Variants in CSMD3 observed in about 807,000 individuals in gnomAD.
The protein encoded by CSMD3 is CUB and Sushi multiple domains 3.
CSMD3 carries 177 observed loss-of-function variants against 435.2 expected under a neutral mutation model. The ratio of observed to expected loss-of-function variants is 0.41; its 90% CI spans 0.36 to 0.46. The LOEUF (loss-of-function observed/expected upper bound fraction) is 0.46, where lower values mean the gene tolerates loss of function less well. Ranked by LOEUF, CSMD3 falls within the 20% of genes least tolerant of loss-of-function variation. The pLI is 0.34. For synonymous variants in CSMD3, 1,656 were observed against 1,520.5 expected, an observed-to-expected ratio of 1.09 and a Z score of -2.07; for missense variants, 4,265 against 4,504.6, an observed-to-expected ratio of 0.95 and a Z score of 1.52.
chr8:112,743,392 T>C (rs1327634819), intron 13 of CSMD3, among the ~76,000 whole-genome samples: 3 of 151,922 alleles, frequency 2.0e-5, no homozygotes, highest in Non-Finnish European at 4.4e-5. Flanking sequence ...TCTCATATGT[T>C]TTAATTAATA....
intron 30 of CSMD3, among the ~76,000 whole-genome samples, chr8:112,492,916 T>A (rs1015293808): frequency 6.9e-5 from 10 of 144,662 alleles, no homozygotes; most frequent in African/African-American, 2.1e-4. Flanking sequence ...TAATCTAGAA[T>A]GATTTAATGT....
At chr8:112,806,534 A>G (rs1349159875) in intron 12 of CSMD3, among the ~76,000 whole-genome samples, 1 of 152,206 alleles carries the variant, frequency 6.6e-6, no homozygotes, top group African/African-American at 2.4e-5. Context: ...ATGCCAACAG[A>G]CTAGTTAAGA....
intron 22 of CSMD3, among the ~76,000 whole-genome samples, chr8:112,624,380 C>T (rs1244432067): frequency 2.0e-5 from 3 of 151,972 alleles, no homozygotes; most frequent in Non-Finnish European, 4.4e-5. Context: ...GAAAATAAAA[C>T]TATATAATGT....
intron 3 of CSMD3, among the ~76,000 whole-genome samples, chr8:113,226,811 C>A (rs2093033936): frequency 6.6e-6 from 1 of 151,470 alleles, no homozygotes; most frequent in Admixed American, 6.6e-5. Flanking sequence ...GCAACTGCTT[C>A]CTTATATGAA....
At chr8:112,749,122 G>C (rs77661040) in intron 13 of CSMD3, among the ~76,000 whole-genome samples, 1 of 151,820 alleles carries the variant, frequency 6.6e-6, no homozygotes, top group East Asian at 1.9e-4. Flanking sequence ...TATGTGTATC[G>C]GCCGTATGTA....
intron 63 of CSMD3, among the ~76,000 whole-genome samples, chr8:112,249,341 C>T (rs1002823116): frequency 6.8e-6 from 1 of 147,344 alleles, no homozygotes; most frequent in African/African-American, 2.5e-5. Flanking sequence ...TCACAATCAC[C>T]AAAAGGACTT....
chr8:112,569,501 T>C (rs1456481241), intron 24 of CSMD3, among the ~76,000 whole-genome samples: 3 of 152,282 alleles, frequency 2.0e-5, no homozygotes, highest in Middle Eastern at 3.4e-3. Context: ...AATAAGATAA[T>C]TGAAATAAAA....
At chr8:113,160,371 G>A (rs1328049852) in intron 4 of CSMD3, among the ~76,000 whole-genome samples, 1 of 151,838 alleles carries the variant, frequency 6.6e-6, no homozygotes, top group Non-Finnish European at 1.5e-5. Flanking sequence ...TGGAAATGAT[G>A]GTAATATATT....
chr8:112,628,243 A>G (rs963399836), intron 22 of CSMD3, among the ~76,000 whole-genome samples: 2 of 152,166 alleles, frequency 1.3e-5, no homozygotes, highest in Non-Finnish European at 2.9e-5. Flanking sequence ...ATTTTACTGC[A>G]TATTAGGGAA....
intron 5 of CSMD3, among the ~76,000 whole-genome samples, chr8:113,023,425 G>C (rs1266357430): frequency 2.0e-5 from 3 of 151,714 alleles, no homozygotes; most frequent in Non-Finnish European, 4.4e-5. Flanking sequence ...TCTCAAGCAT[G>C]CTCCCGTGCT....
chr8:113,390,335 C>A (rs2094456423), intron 1 of CSMD3, among the ~76,000 whole-genome samples: 1 of 151,752 alleles, frequency 6.6e-6, no homozygotes, highest in Non-Finnish European at 1.5e-5. Flanking sequence ...TTCACTGACC[C>A]AGGAGATTTC....
At chr8:113,061,936 A>G (rs1433680984) in intron 5 of CSMD3, among the ~76,000 whole-genome samples, 1 of 151,984 alleles carries the variant, frequency 6.6e-6, no homozygotes, top group South Asian at 2.1e-4. Flanking sequence ...TTCTTTGTAC[A>G]TAATTCATGA....
At chr8:113,086,643 T>G (rs923173469) in intron 5 of CSMD3, among the ~76,000 whole-genome samples, 1 of 152,214 alleles carries the variant, frequency 6.6e-6, no homozygotes, top group Non-Finnish European at 1.5e-5. Flanking sequence ...CTACTGAGTA[T>G]AACAGTGCTG....
chr8:112,789,213 A>T (rs946531432), intron 13 of CSMD3, among the ~76,000 whole-genome samples: 1 of 152,112 alleles, frequency 6.6e-6, no homozygotes, highest in Non-Finnish European at 1.5e-5. Flanking sequence ...TCTGAGAGAG[A>T]GTGTCTCAGG....
chr8:112,835,377 G>T (rs2079993726), intron 11 of CSMD3, among the ~76,000 whole-genome samples: 1 of 151,734 alleles, frequency 6.6e-6, no homozygotes, highest in African/African-American at 2.4e-5. Flanking sequence ...TTTTTAAATG[G>T]AACATATTTA....
At chr8:112,839,764 TG>T (rs1289976247) in intron 11 of CSMD3, among the ~76,000 whole-genome samples, 2 of 151,726 alleles carry the variant, frequency 1.3e-5, no homozygotes, top group African/African-American at 4.8e-5. Flanking sequence ...AAAAAAACTT[TG>T]ACTCCAGACT....
At chr8:113,356,414 G>T (rs1319428897) in intron 1 of CSMD3, among the ~76,000 whole-genome samples, 2 of 152,092 alleles carry the variant, frequency 1.3e-5, no homozygotes, top group Non-Finnish European at 2.9e-5. Context: ...AAATTGGTCA[G>T]CTTTTTTTGT....
chr8:112,613,217 A>G (rs1462654060), intron 22 of CSMD3, among the ~76,000 whole-genome samples: 1 of 152,052 alleles, frequency 6.6e-6, no homozygotes, highest in African/African-American at 2.4e-5. Flanking sequence ...CATGTTTGCT[A>G]TTCTCTGTTT....
chr8:112,709,136 C>T (rs1372736471), intron 13 of CSMD3, among the ~76,000 whole-genome samples: 1 of 152,034 alleles, frequency 6.6e-6, no homozygotes, highest in Non-Finnish European at 1.5e-5. Flanking sequence ...CACATGCCAA[C>T]AAACACACAC....
Sources: gnomAD v4.1 joint callset for allele counts (sites outside exome capture counted in the v4.1 genomes callset) on GRCh38, gnomAD v4.1.1 for gene constraint, MANE v1.5 for transcripts, NCBI Gene and HGNC (gene_info 2026-07-23, HGNC 2026-07-21) for gene names.